CEP85L: variants seen among roughly 807,000 people sequenced by gnomAD.
CEP85L encodes centrosomal protein of 85 kDa-like.
Under a neutral mutation model 100.3 loss-of-function variants are expected in CEP85L, and 60 were observed. The ratio of observed to expected loss-of-function variants is 0.60; its 90% CI spans 0.49 to 0.74. CEP85L has a LOEUF of 0.74. CEP85L is among the 30% of genes least tolerant of loss of function. The pLI, the probability that CEP85L is intolerant of heterozygous loss-of-function variation, is 0.00. For missense variants in CEP85L, 973 were observed against 936.2 expected, an observed-to-expected ratio of 1.04 and a Z score of -0.51; for synonymous variants, 319 against 322.7, an observed-to-expected ratio of 0.99 and a Z score of 0.12.
At chr6:118,677,231 C>T (rs1460675438) in intron 1 of CEP85L, among the ~76,000 whole-genome samples, 1 of 152,022 alleles carries the variant, frequency 6.6e-6, no homozygotes, top group Non-Finnish European at 1.5e-5. Context: ...ATTCCTTAAT[C>T]AAAAGATATG....
In CEP85L at chr6:118,565,548, C is replaced by T. The variant is rs1328762853; in HGVS notation, c.1001G>A (p.Gly334Glu). The T allele has an allele frequency of 1.2e-6, 2 of 1,614,156 alleles. No homozygotes were observed. Among genetic ancestry groups the T allele is most frequent in the Middle Eastern group, 1.6e-4 (1 of 6,062 alleles). Reference protein sequence around the residue: ...QQQQIEDFRQGSETPMQVLTG... With the variant: ...QQQQIEDFRQESETPMQVLTG... ...CCTTACCTGCATTGGTGTTTCACTT[C>T]CTTGTCGAAAGTCTTCAATTTGCTG... Residue 334 changes from glycine to glutamate, a missense_variant, in exon 3 of 13, where the codon GGA becomes GAA. Transcript: ENST00000368491.
intron 12 of CEP85L, 57 bp from the exon 13 acceptor site, chr6:118,465,625 A>T (rs1772459119): frequency 6.5e-7 from 1 of 1,541,472 alleles, no homozygotes; most frequent in African/African-American, 1.4e-5. Flanking sequence ...AAGACATTTT[A>T]GAATTTTTCA....
intron 3 of CEP85L, among the ~76,000 whole-genome samples, chr6:118,552,749 C>A (rs955037018): frequency 6.6e-6 from 1 of 151,870 alleles, no homozygotes; most frequent in Non-Finnish European, 1.5e-5. Flanking sequence ...GTAAAGAATT[C>A]TTTATTTTTA....
At chr6:118,536,277 AGTAGAGATGG>A (rs1777584494) in intron 3 of CEP85L, among the ~76,000 whole-genome samples, 1 of 152,192 alleles carries the variant, frequency 6.6e-6, no homozygotes, top group Non-Finnish European at 1.5e-5. Context: ...AAGTCAGAAC[AGTAGAGATGG>A]GTAGGATATA....
chr6:118,708,164 C>A (rs1211737288), intron 1 of CEP85L, among the ~76,000 whole-genome samples: 1 of 152,234 alleles, frequency 6.6e-6, no homozygotes, highest in Non-Finnish European at 1.5e-5. Flanking sequence ...TAAGTTCGGA[C>A]TATATTGCCA....
Position 118,580,246 on chromosome 6 carries a change from C to T in CEP85L, c.233-13930G>A, listed in dbSNP as rs569302330. 3.3e-5 allele frequency among the ~76,000 whole-genome samples: 5 copies of T among 152,336 alleles called. No individual in the cohort carries two copies. The East Asian group carries it at 9.6e-4, about 29-fold the overall frequency. On this transcript the variant is annotated intron_variant, in intron 2 of 12. Coordinates refer to ENST00000368491, the MANE Select transcript of CEP85L (RefSeq NM_001042475.3). Reference sequence around the variant, plus strand: ...AAACTCTCTCCGCTCCTTAAAACCACTCCACGTATATCCATGTCGTCGTAT... The same window carrying T: ...AAACTCTCTCCGCTCCTTAAAACCATTCCACGTATATCCATGTCGTCGTAT...
intron 2 of CEP85L, 142 bp from the exon 3 acceptor site, chr6:118,566,458 C>G: frequency 1.3e-6 from 1 of 750,134 alleles, no homozygotes; most frequent in Non-Finnish European, 2.1e-6. Flanking sequence ...TAGCTTGTTG[C>G]CTAGGCTGGA....
chr6:118,583,169 T>C (rs55977708), intron 2 of CEP85L, among the ~76,000 whole-genome samples: 18 of 152,270 alleles, frequency 1.2e-4, no homozygotes, highest in South Asian at 6.2e-4. Context: ...ACCAGTCTCA[T>C]AGATGGTCCA....
At chr6:118,624,495 T>C (rs748471310) in intron 2 of CEP85L, among the ~76,000 whole-genome samples, 26 of 152,292 alleles carry the variant, frequency 1.7e-4, no homozygotes, top group Non-Finnish European at 3.4e-4. Flanking sequence ...AAGTATTCTT[T>C]CTGCCACCTC....
chr6:118,651,273 G>A lies in CEP85L; in HGVS notation c.-4C>T. The A allele has an allele frequency of 6.7e-7, 1 of 1,486,058 alleles. No individual in the cohort carries two copies. Among genetic ancestry groups the A allele is most frequent in the Non-Finnish European group, 8.9e-7 (1 of 1,122,474 alleles). 92.1% of individuals were successfully genotyped at this position (1,486,058 alleles called of 1,614,324 possible). On this transcript the variant is annotated 5_prime_UTR_variant, in exon 1 of 13. Coordinates refer to ENST00000368491, the MANE Select transcript of CEP85L (RefSeq NM_001042475.3). ...GAGCCAGGAAGCGCCCCCACATCGC[G>A]GGCGAGAGGGCCGGGTGGGCCAGGG...
At chr6:118,569,138 C>G (rs1396083737) in intron 2 of CEP85L, among the ~76,000 whole-genome samples, 2 of 151,684 alleles carry the variant, frequency 1.3e-5, no homozygotes, top group East Asian at 3.9e-4. Flanking sequence ...GTCAGGAGTT[C>G]AAGACCACCT....
Position 118,465,154 on chromosome 6 carries a change from T to G in CEP85L, c.*251A>C. 1 of 403,180 alleles carries G rather than the reference T, an allele frequency of 2.5e-6. No individual in the cohort carries two copies. The allele number at this position is 403,180 out of a possible 1,614,324, so 25.0% of individuals were successfully genotyped here. Reference sequence around the variant, plus strand: ...CAGCTTGGTCCTACAATCAGTAGTTTGAGAATATAGACATTTTTTTCCTTG... The same window carrying G: ...CAGCTTGGTCCTACAATCAGTAGTTGGAGAATATAGACATTTTTTTCCTTG... On this transcript the variant is annotated 3_prime_UTR_variant, in exon 13 of 13. Coordinates refer to ENST00000368491, the MANE Select transcript of CEP85L (RefSeq NM_001042475.3).
upstream of CEP85L, among the ~76,000 whole-genome samples, chr6:118,655,619 T>A (rs956473811): frequency 6.6e-6 from 1 of 152,210 alleles, no homozygotes; most frequent in Non-Finnish European, 1.5e-5. Context: ...AGATCATGCC[T>A]TCACACACAA....
At chr6:118,468,336 T>C (rs1048354406) in intron 12 of CEP85L, among the ~76,000 whole-genome samples, 1 of 152,192 alleles carries the variant, frequency 6.6e-6, no homozygotes, top group African/African-American at 2.4e-5. Flanking sequence ...TAAATACACG[T>C]TGGCCCATAA....
In CEP85L at chr6:118,679,352, G is replaced by C. The variant is rs1776577712; in HGVS notation, c.-27-26544C>G. Among the ~76,000 whole-genome samples the C allele has an allele frequency of 1.3e-5, 2 of 152,174 alleles. 1 individual carries two copies. Among genetic ancestry groups the C allele is most frequent in the South Asian group, 4.1e-4 (2 of 4,836 alleles). ...ACAATAAATATGTGATTAAAGGTTA[G>C]GCTCTAGGATTACTAACCAGGAAGT... On this transcript the variant is annotated intron_variant, in intron 1 of 13. Coordinates refer to the CEP85L transcript ENST00000368488.
At chr6:118,643,293 T>C (rs1190867757) in intron 1 of CEP85L, among the ~76,000 whole-genome samples, 1 of 152,182 alleles carries the variant, frequency 6.6e-6, no homozygotes, top group African/African-American at 2.4e-5. Context: ...TTAGAAAAGC[T>C]TCAGAAATGT....
intron 3 of CEP85L, among the ~76,000 whole-genome samples, chr6:118,544,211 G>A (rs926559130): frequency 2.6e-5 from 4 of 152,108 alleles, no homozygotes; most frequent in South Asian, 2.1e-4. Flanking sequence ...CATCATGATC[G>A]GGACCCTATA....
intron 2 of CEP85L, among the ~76,000 whole-genome samples, chr6:118,574,408 C>T (rs1225768121): frequency 2.0e-5 from 3 of 152,230 alleles, no homozygotes; most frequent in Admixed American, 6.5e-5. Context: ...CTCTTGCGAT[C>T]GTTACTGACG....
At position 118,567,237 on chromosome 6, in the gene CEP85L, GTGTGTGTGTGTGTATA is replaced by G. The variant is rs71012393; in HGVS notation, c.233-937_233-922del. On this transcript the variant is annotated intron_variant, in intron 2 of 12. Coordinates refer to ENST00000368491, the MANE Select transcript of CEP85L (RefSeq NM_001042475.3). The stretch of plus-strand genomic sequence containing the variant: ...TGTGTGTGTGTGTGTGTGTGTGTGT[GTGTGTGTGTGTGTATA>G]TATATATATATATATATATATATAT... 3.9e-3 allele frequency among the ~76,000 whole-genome samples: 339 copies of G among 86,746 alleles called. 1 individual carries two copies. The highest frequency in any genetic ancestry group is 0.017 in the East Asian group (41 of 2,398). 56.9% of individuals were successfully genotyped at this position (86,746 alleles called of 152,430 possible).
Sources: allele counts gnomAD v4.1 joint callset (sites outside exome capture counted in the v4.1 genomes callset), GRCh38; gene constraint gnomAD v4.1.1; transcripts MANE v1.5; gene names NCBI Gene and HGNC (gene_info 2026-07-23, HGNC 2026-07-21).